PADI2: variants seen among roughly 807,000 people sequenced by gnomAD.
PADI2 encodes the protein protein-arginine deiminase type-2.
A neutral mutation model predicts 81.1 loss-of-function variants in PADI2; 70 were observed. The observed-to-expected ratio is 0.86, with a 90% CI of 0.71 to 1.05. The LOEUF (loss-of-function observed/expected upper bound fraction) is 1.05. PADI2 is among the 50% of genes least tolerant of loss of function. PADI2 has a pLI of 0.00. For synonymous variants in PADI2, 338 were observed against 358.0 expected (o/e 0.94, Z 0.63); for missense variants, 853 against 889.9 (o/e 0.96, Z 0.53).
At chr1:17,091,281 GC>G (rs35036779) in intron 6 of PADI2, among the ~76,000 whole-genome samples, 1 of 148,334 alleles carries the variant, frequency 6.7e-6, no homozygotes, top group Admixed American at 6.8e-5. Flanking sequence ...AGAGATCCTG[GC>G]CCCCCTAGGC....
chr1:17,112,090 G>A (rs1048749646), intron 1 of PADI2, among the ~76,000 whole-genome samples: 6 of 152,134 alleles, frequency 3.9e-5, no homozygotes, highest in African/African-American at 1.4e-4. Context: ...CAGAATGCAG[G>A]GTGGGGGATG....
chr1:17,086,419 G>C, intron 7 of PADI2, 102 bp downstream of exon 7: 1 of 989,478 alleles, frequency 1.0e-6, no homozygotes, highest in South Asian at 1.7e-5. Flanking sequence ...CCCCTTTGGC[G>C]CTTTGAGCAG....
intron 1 of PADI2, among the ~76,000 whole-genome samples, chr1:17,118,431 C>T (rs984095337): frequency 5.9e-5 from 9 of 152,122 alleles, no homozygotes; most frequent in Admixed American, 2.0e-4. Context: ...TCCAAGGCCC[C>T]GTCCCATTAC....
In PADI2 at chr1:17,103,018, G is replaced by T. The variant is rs941701093; in HGVS notation, c.318C>A (p.Ile106=). ...CTGTGAGGAAGAGCCCCGCCTGGTCGATGGGAATGCTCCCTTCCTCGTCAT... is the reference window on the plus strand; with the variant it reads ...CTGTGAGGAAGAGCCCCGCCTGGTCTATGGGAATGCTCCCTTCCTCGTCAT... The part of the protein sequence containing the change: ...NYYDEEGSIP[I]DQAGLFLTAI... The change falls in exon 3 of 16, where the codon ATC becomes ATA. Residue 106 remains isoleucine (I), a synonymous_variant. Coordinates refer to ENST00000375486, the MANE Select transcript of PADI2 (RefSeq NM_007365.3). 3 of 1,613,550 alleles carry T rather than the reference G, an allele frequency of 1.9e-6. No homozygotes were observed. The highest frequency in any genetic ancestry group is 2.2e-5 in the South Asian group (2 of 90,932).
intron 3 of PADI2, among the ~76,000 whole-genome samples, chr1:17,101,942 T>C (rs1313877381): frequency 6.6e-6 from 1 of 152,216 alleles, no homozygotes; most frequent in Non-Finnish European, 1.5e-5. Flanking sequence ...CGGTAAAACA[T>C]TGAGTACTGG....
intron 14 of PADI2, 61 bp from the exon 15 acceptor site, chr1:17,070,277 C>A: frequency 6.3e-7 from 1 of 1,596,862 alleles, no homozygotes; most frequent in South Asian, 1.1e-5. Context: ...GCCACCTTGT[C>A]AACCCCATCC....
intron 6 of PADI2, among the ~76,000 whole-genome samples, chr1:17,088,395 A>C (rs765923558): frequency 6.6e-6 from 1 of 152,182 alleles, no homozygotes; most frequent in South Asian, 2.1e-4. Flanking sequence ...GGGTTAGAAC[A>C]CATAAGCCGA....
chr1:17,094,987 C>A lies in PADI2; in HGVS notation c.411+922G>T, dbSNP rs111317997. On this transcript the variant is annotated intron_variant, in intron 4 of 15. Transcript: ENST00000375486. ...ACATGGCTGAGAACCCTCTCCTGAC[C>A]TGCAGAGAGTCAGGGTAGCAGGCTG... 2.4e-3 allele frequency among the ~76,000 whole-genome samples: 373 copies of A among 152,344 alleles called. 2 individuals are homozygous for A. The highest frequency in any genetic ancestry group is 8.8e-3 in the African/African-American group (366 of 41,572).
At chr1:17,069,364 C>G in intron 15 of PADI2, 87 bp from the exon 16 acceptor site, 1 of 986,924 alleles carries the variant, frequency 1.0e-6, no homozygotes, top group Non-Finnish European at 1.6e-6. Flanking sequence ...GGAACCCTCA[C>G]GGCAACCCTG....
At chr1:17,111,885 G>A (rs749622286) in intron 1 of PADI2, among the ~76,000 whole-genome samples, 32 of 152,322 alleles carry the variant, frequency 2.1e-4, no homozygotes, top group Non-Finnish European at 3.8e-4. Context: ...CTGCATGTTC[G>A]AGAAGCTGGA....
intron 4 of PADI2, among the ~76,000 whole-genome samples, chr1:17,095,205 G>A (rs1168632572): frequency 6.6e-6 from 1 of 152,206 alleles, no homozygotes; most frequent in Non-Finnish European, 1.5e-5. Flanking sequence ...GAGCAAGACT[G>A]ATGGAGCCTA....
At position 17,115,131 on chromosome 1, in the gene PADI2, G is replaced by A. The variant is rs1479113177; in HGVS notation, c.92+4149C>T. ...TGAGTTTGTGCCAAAGTCTAGGAGC[G>A]CCTGCCTGATACCTTCTTCCTATCT... is the stretch of plus-strand genomic sequence containing the variant. On this transcript the variant is annotated intron_variant, in intron 1 of 15. Coordinates refer to ENST00000375486, the MANE Select transcript of PADI2 (RefSeq NM_007365.3). This position sits in a 1 kb window ranked among gnomAD's most constrained non-coding sequence, Gnocchi z 4.1. Among the ~76,000 whole-genome samples the A allele has an allele frequency of 2.0e-5, 3 of 152,230 alleles. No homozygotes were observed. Among genetic ancestry groups the A allele is most frequent in the Non-Finnish European group, 4.4e-5 (3 of 68,046 alleles).
At chr1:17,096,297 G>T (rs573079753) in intron 3 of PADI2, among the ~76,000 whole-genome samples, 2 of 152,344 alleles carry the variant, frequency 1.3e-5, no homozygotes, top group African/African-American at 4.8e-5. Flanking sequence ...CAGTTCAGAG[G>T]TGAAGTCGCA....
intron 14 of PADI2, 141 bp downstream of exon 14, chr1:17,071,265 G>A (rs1289277459): frequency 3.3e-6 from 2 of 613,576 alleles, no homozygotes; most frequent in Non-Finnish European, 2.9e-6. Flanking sequence ...TGCTGGTGGA[G>A]GCTCTTCCCT....
intron 1 of PADI2, among the ~76,000 whole-genome samples, chr1:17,108,035 G>A (rs1465833511): frequency 6.7e-6 from 1 of 149,642 alleles, no homozygotes; most frequent in Admixed American, 6.7e-5. Flanking sequence ...TGCAAACTCT[G>A]TCTCCTTGGT....
intron 14 of PADI2, among the ~76,000 whole-genome samples, chr1:17,070,419 G>A (rs759654169): frequency 9.8e-5 from 15 of 152,298 alleles, no homozygotes; most frequent in African/African-American, 3.6e-4. Flanking sequence ...GACAGAGGAA[G>A]GTCACAGATG....
Position 17,113,675 on chromosome 1 carries a change from G to A in PADI2, c.92+5605C>T, listed in dbSNP as rs200298328. Among the ~76,000 whole-genome samples the A allele has an allele frequency of 8.2e-4, 125 of 152,308 alleles. 1 individual carries two copies. The highest frequency in any genetic ancestry group is 1.4e-3 in the Non-Finnish European group (96 of 68,030). On this transcript the variant is annotated intron_variant, in intron 1 of 15. Transcript: ENST00000375486. ...AGCCCCTTACTTATTTCACAGGTGG[G>A]AGTCTGAGACACAGAGAAGGGACAC...
Position 17,092,503 on chromosome 1 carries a change from C to A in PADI2, c.560G>T (p.Arg187Leu). 6.2e-7 allele frequency: 1 copy of A among 1,603,164 alleles called. No individual in the cohort carries two copies. The highest frequency in any genetic ancestry group is 8.5e-7 in the Non-Finnish European group (1 of 1,175,426). ...GGGGAGGCGGTCGGGGCCTTTGGTC[C>A]GCAGGATCATCTGGGACATGTCCTT... ...DLKDMSQMIL[R>L]TKGPDRLPAG... Residue 187 changes from arginine to leucine, a missense_variant, in exon 6 of 16, where the codon CGG (arginine) becomes CTG (leucine). Arg to Leu is a moderately radical substitution (Grantham distance 102). Transcript: ENST00000375486.
chr1:17,110,423 G>T (rs1467711001), intron 1 of PADI2, among the ~76,000 whole-genome samples: 3 of 152,138 alleles, frequency 2.0e-5, no homozygotes, highest in Non-Finnish European at 1.5e-5. Context: ...ATACATGAAT[G>T]AATGCACCTG....
Sources: allele counts gnomAD v4.1 joint callset (sites outside exome capture counted in the v4.1 genomes callset), GRCh38; gene constraint gnomAD v4.1.1; non-coding constraint Gnocchi (gnomAD v3.1); transcripts MANE v1.5; gene names NCBI Gene and HGNC (gene_info 2026-07-23, HGNC 2026-07-21).